The following CSMD1 variants were observed in gnomAD, a reference collection of about 807,000 sequenced individuals.
The protein encoded by CSMD1 is CUB and sushi domain-containing protein 1.
CSMD1 carries 213 observed loss-of-function variants against 417.5 expected under a neutral mutation model. That is an observed-to-expected ratio of 0.51 (90% CI 0.46 to 0.57). CSMD1 has a LOEUF of 0.57. Ranked by LOEUF, CSMD1 falls within the 20% of genes least tolerant of loss-of-function variation. CSMD1 has a pLI of 0.00. For synonymous variants in CSMD1, 2,862 were observed against 1,736.8 expected, an observed-to-expected ratio of 1.65 and a Z score of -16.11; for missense variants, 6,923 against 4,529.7, an observed-to-expected ratio of 1.53 and a Z score of -15.17.
chr8:4,327,133 T>C (rs756687739), intron 3 of CSMD1, among the ~76,000 whole-genome samples: 3 of 152,208 alleles, frequency 2.0e-5, no homozygotes, highest in East Asian at 1.9e-4. Flanking sequence ...TCTGTTATCA[T>C]TGACAAGGTC....
chr8:4,851,039 G>A (rs1021098817), intron 1 of CSMD1, among the ~76,000 whole-genome samples: 7 of 151,712 alleles, frequency 4.6e-5, no homozygotes, highest in Non-Finnish European at 7.4e-5. Context: ...ATGTTGGTGT[G>A]CTGCACCCAT....
At chr8:3,714,625 TAGTTGGG>T (rs1801724357) in intron 6 of CSMD1, among the ~76,000 whole-genome samples, 1 of 145,554 alleles carries the variant, frequency 6.9e-6, no homozygotes. Flanking sequence ...TAGTCCCAGC[TAGTTGGG>T]AGGCTGAGGA....
chr8:3,367,225 G>A lies in CSMD1; in HGVS notation c.2922C>T (p.Thr974=), dbSNP rs759821428. 24 of 1,612,322 alleles carry A rather than the reference G, an allele frequency of 1.5e-5. 1 individual carries two copies. The Middle Eastern group carries it at 6.6e-4, about 44-fold the overall frequency. ...AGTCGTGGGAACTCTCAAGATGAAA[G>A]GTGTGAAAGATCATTTGAACTCCTG... ...HGKGVQMIFH[T]FHLESSHDYL... is the part of the protein sequence containing the mutation. Residue 974 remains threonine (T), a synonymous_variant, in exon 20 of 70, where the codon ACC becomes ACT. Coordinates refer to ENST00000635120, the MANE Select transcript of CSMD1 (RefSeq NM_033225.6).
intron 49 of CSMD1, among the ~76,000 whole-genome samples, chr8:3,068,781 T>C (rs145545139): frequency 0.011 from 1,714 of 152,278 alleles, 14 homozygotes; most frequent in Middle Eastern, 0.02. Context: ...CAATAAGTCG[T>C]GAGGGATCCA....
At chr8:3,320,649 C>T (rs897307527) in intron 23 of CSMD1, among the ~76,000 whole-genome samples, 2 of 152,304 alleles carry the variant, frequency 1.3e-5, no homozygotes, top group South Asian at 2.1e-4. Context: ...ACCACCGCTG[C>T]ATTGGGACGC....
intron 17 of CSMD1, among the ~76,000 whole-genome samples, chr8:3,388,735 T>C (rs75222333): frequency 0.046 from 7,014 of 152,274 alleles, 448 homozygotes; most frequent in South Asian, 0.18. Flanking sequence ...CAACAGAATG[T>C]AACTGTCCTT....
At chr8:4,238,229 G>C (rs1802182959) in intron 3 of CSMD1, among the ~76,000 whole-genome samples, 1 of 152,190 alleles carries the variant, frequency 6.6e-6, no homozygotes, top group Non-Finnish European at 1.5e-5. Flanking sequence ...AATGGGCTGA[G>C]GGTCTTCTAT....
chr8:4,143,465 G>A (rs986152670), intron 3 of CSMD1, among the ~76,000 whole-genome samples: 6 of 150,320 alleles, frequency 4.0e-5, no homozygotes, highest in African/African-American at 1.3e-4. Flanking sequence ...ATTACAGGAG[G>A]TGTTTAATAT....
intron 7 of CSMD1, among the ~76,000 whole-genome samples, chr8:3,657,809 C>A (rs2117429181): frequency 6.6e-6 from 1 of 152,200 alleles, no homozygotes; most frequent in South Asian, 2.1e-4. Context: ...CAAACATGCA[C>A]ATTCTGCACA....
chr8:4,872,211 G>A (rs1802774228), intron 1 of CSMD1, among the ~76,000 whole-genome samples: 2 of 152,058 alleles, frequency 1.3e-5, no homozygotes. Flanking sequence ...AGGCATAGAG[G>A]CCTTGGAGTT....
intron 1 of CSMD1, among the ~76,000 whole-genome samples, chr8:4,877,693 G>A (rs772036925): frequency 6.6e-6 from 1 of 151,878 alleles, no homozygotes; most frequent in Admixed American, 6.6e-5. Flanking sequence ...TATTCCATCT[G>A]GAATTATTTC....
chr8:4,959,762 G>A (rs572413559), intron 1 of CSMD1, among the ~76,000 whole-genome samples: 1 of 152,110 alleles, frequency 6.6e-6, no homozygotes, highest in Admixed American at 6.6e-5. Flanking sequence ...CTTCCTGTAC[G>A]TGACCTTTGT....
intron 3 of CSMD1, among the ~76,000 whole-genome samples, chr8:4,365,989 G>A (rs1802046635): frequency 6.6e-6 from 1 of 152,114 alleles, no homozygotes; most frequent in South Asian, 2.1e-4. Context: ...GGGAAACTGT[G>A]TGTTGTTGAG....
chr8:3,506,243 G>A (rs779226458), intron 10 of CSMD1, among the ~76,000 whole-genome samples: 1 of 152,154 alleles, frequency 6.6e-6, no homozygotes, highest in Non-Finnish European at 1.5e-5. Context: ...GTGCAGGTGA[G>A]CCAGGCTCTA....
chr8:4,470,082 G>A (rs1800437540), intron 2 of CSMD1, among the ~76,000 whole-genome samples: 1 of 151,974 alleles, frequency 6.6e-6, no homozygotes, highest in African/African-American at 2.4e-5. Context: ...GTGTTAGCCA[G>A]GATGGTCTCG....
At chr8:3,152,999 A>C (rs1252105489) in intron 39 of CSMD1, among the ~76,000 whole-genome samples, 2 of 152,244 alleles carry the variant, frequency 1.3e-5, no homozygotes, top group East Asian at 3.8e-4. Flanking sequence ...GAGCTGGATA[A>C]AACAAGGCTG....
intron 5 of CSMD1, among the ~76,000 whole-genome samples, chr8:3,890,606 C>A (rs149873840): frequency 1.5e-3 from 233 of 152,082 alleles, no homozygotes; most frequent in Non-Finnish European, 2.7e-3. Flanking sequence ...AAATAAAGCA[C>A]GTGGCATATT....
In CSMD1 at chr8:3,143,407, T is replaced by C. The variant is rs1818630282; in HGVS notation, c.6032-733A>G. ...TCTAACAGCCTGGCACAGTTGAGAA[T>C]ACCAAAAGACTGTTCAAATGACCAG... On this transcript the variant is annotated intron_variant, in intron 40 of 69. Transcript: ENST00000635120. Among the ~76,000 whole-genome samples the C allele has an allele frequency of 2.0e-5, 3 of 152,338 alleles. No homozygotes were observed. In the South Asian group the frequency reaches 6.2e-4, roughly 32 times the overall value.
chr8:4,272,806 C>G (rs1211192898), intron 3 of CSMD1, among the ~76,000 whole-genome samples: 1 of 152,154 alleles, frequency 6.6e-6, no homozygotes, highest in Admixed American at 6.6e-5. Flanking sequence ...CTCTAACTCA[C>G]CACTATATAC....
Sources: gnomAD v4.1 joint callset for allele counts (sites outside exome capture counted in the v4.1 genomes callset) on GRCh38, gnomAD v4.1.1 for gene constraint, MANE v1.5 for transcripts, NCBI Gene and HGNC (gene_info 2026-07-23, HGNC 2026-07-21) for gene names.